Variants in GPT2 observed in about 807,000 individuals in gnomAD.
The protein encoded by GPT2 is glutamic--pyruvic transaminase 2.
A neutral mutation model predicts 56.9 loss-of-function variants in GPT2; 30 were observed. The ratio of observed to expected loss-of-function variants is 0.53; its 90% CI spans 0.39 to 0.72. The LOEUF (loss-of-function observed/expected upper bound fraction) is 0.72, where lower values mean the gene tolerates loss of function less well. GPT2 is among the 30% of genes least tolerant of loss of function. The probability of loss-of-function intolerance (pLI) is 0.00; values close to 1 mark genes in which losing one functional copy is unlikely to be tolerated. For missense variants in GPT2, 542 were observed against 703.4 expected, an observed-to-expected ratio of 0.77 and a Z score of 2.60; for synonymous variants, 271 against 283.1, an observed-to-expected ratio of 0.96 and a Z score of 0.43.
chr16:46,921,762 A>G (rs1049777081), intron 8 of GPT2, among the ~76,000 whole-genome samples: 3 of 152,158 alleles, frequency 2.0e-5, no homozygotes, highest in Admixed American at 6.5e-5. Context: ...CACGCCTGTA[A>G]TCCCAGCACT....
rs76021814 is a variant in GPT2, at chr16:46,893,642, A to G, written c.244-4006A>G. Among the ~76,000 whole-genome samples the G allele has an allele frequency of 2.4e-3, 370 of 152,084 alleles. 1 individual carries two copies. The highest frequency in any genetic ancestry group is 4.3e-3 in the East Asian group (22 of 5,150). ...CAGTTATTCTCCCTGCTAACACCCT[A>G]TGAAATATGCCGTCCCTAGAGCTGG... On this transcript the variant is annotated intron_variant, in intron 2 of 11. Coordinates refer to ENST00000340124, the MANE Select transcript of GPT2 (RefSeq NM_133443.4).
chr16:46,898,922 A>G (rs1960745704), intron 3 of GPT2, among the ~76,000 whole-genome samples: 1 of 142,276 alleles, frequency 7.0e-6, no homozygotes, highest in South Asian at 2.1e-4. Flanking sequence ...ACACACACAT[A>G]TATATGTGTA....
At chr16:46,888,547 CTG>C (rs1422341862) in intron 2 of GPT2, among the ~76,000 whole-genome samples, 8 of 152,122 alleles carry the variant, frequency 5.3e-5, no homozygotes, top group African/African-American at 1.9e-4. Context: ...TTGGGTTTCA[CTG>C]TGTTGGCCAG....
intron 2 of GPT2, among the ~76,000 whole-genome samples, chr16:46,891,794 C>CT (rs916052715): frequency 2.9e-4 from 42 of 146,464 alleles, no homozygotes; most frequent in Admixed American, 4.8e-4. Flanking sequence ...ACTCTTTTAG[C>CT]TTTTTTTTTT....
Position 46,928,899 on chromosome 16 carries a change from C to T in GPT2, c.1482-8C>T. ...CAGCCAGGCTGACACTGTTGTCTCT[C>T]CTGCCAGGATGACTATCCTCCCTCC... On this transcript the variant is annotated splice_region_variant and splice_polypyrimidine_tract_variant and intron_variant, in intron 11 of 11. Transcript: ENST00000340124. The T allele has an allele frequency of 1.2e-6, 2 of 1,610,340 alleles. No individual in the cohort carries two copies. Among genetic ancestry groups the T allele is most frequent in the South Asian group, 1.1e-5 (1 of 91,008 alleles).
intron 6 of GPT2, chr16:46,915,488 C>G (rs1196011746): frequency 7.2e-6 from 1 of 138,636 alleles, no homozygotes; most frequent in African/African-American, 2.7e-5. Context: ...ACATTACACA[C>G]CATACACAGA....
chr16:46,909,052 A>G (rs1249412623), intron 5 of GPT2, among the ~76,000 whole-genome samples: 1 of 151,092 alleles, frequency 6.6e-6, no homozygotes, highest in African/African-American at 2.4e-5. Flanking sequence ...TCAAAGCGCC[A>G]CCTGGTGGCA....
chr16:46,925,082 C>T (rs1281128367), intron 10 of GPT2, among the ~76,000 whole-genome samples: 1 of 151,838 alleles, frequency 6.6e-6, no homozygotes, highest in Non-Finnish European at 1.5e-5. Context: ...GTTTTAATTA[C>T]ATTTTTATAG....
At position 46,885,052 on chromosome 16, in the gene GPT2, C is replaced by A. The variant is rs1960457832; in HGVS notation, c.243+94C>A. On this transcript the variant is annotated intron_variant, in intron 2 of 11. Transcript: ENST00000340124. ...TGGGGTCCTTCCCACGACGTCCACC[C>A]CCATGGCCAGCTCCTCAGTCAGCCA... The A allele has an allele frequency of 1.0e-5, 14 of 1,364,776 alleles. 1 individual carries two copies. The South Asian group carries it at 2.2e-4, about 22-fold the overall frequency. The allele number at this position is 1,364,776 out of a possible 1,614,324, so 84.5% of individuals were successfully genotyped here.
At chr16:46,923,714 G>A (rs1034835418) in intron 9 of GPT2, 1 of 155,450 alleles carries the variant, frequency 6.4e-6, no homozygotes, top group Admixed American at 6.3e-5. Context: ...GCCCAGCTCA[G>A]GCCCAGTCAC....
intron 6 of GPT2, among the ~76,000 whole-genome samples, chr16:46,910,219 A>C (rs1961020048): frequency 6.6e-6 from 1 of 151,966 alleles, no homozygotes; most frequent in Non-Finnish European, 1.5e-5. Context: ...TGTCTCTACT[A>C]AAAACACAAA....
chr16:46,884,769 C>G lies in GPT2; in HGVS notation c.54C>G (p.Ser18Arg). ...GGGGCTGTGGTCCCCGGACCCCCAG[C>G]TCCTGGGGCCGCAGCCAGAGCAGCG... ...VRRGCGPRTP[S>R]SWGRSQSSAA... Residue 18 changes from serine (S) to arginine (R), a missense_variant, in exon 2 of 12, where the codon AGC becomes AGG. By Grantham distance (110) the Ser-to-Arg change is moderately radical. Coordinates refer to ENST00000340124, the MANE Select transcript of GPT2 (RefSeq NM_133443.4). 1.3e-6 allele frequency: 2 copies of G among 1,489,294 alleles called. No homozygotes were observed. The highest frequency in any genetic ancestry group is 1.8e-6 in the Non-Finnish European group (2 of 1,119,168). 92.3% of individuals were successfully genotyped at this position (1,489,294 alleles called of 1,614,324 possible). A position where few individuals can be genotyped will look rare whatever the true frequency, so the allele number is the denominator to read the frequency against.
At chr16:46,893,177 C>G (rs992011241) in intron 2 of GPT2, among the ~76,000 whole-genome samples, 23 of 152,290 alleles carry the variant, frequency 1.5e-4, no homozygotes, top group African/African-American at 5.1e-4. Context: ...GTCACCCAGG[C>G]TGGAGTGCAG....
intron 2 of GPT2, among the ~76,000 whole-genome samples, chr16:46,886,495 G>A (rs117390353): frequency 0.016 from 2,380 of 152,318 alleles, 231 homozygotes; most frequent in Admixed American, 0.14. Flanking sequence ...CTGAGCCTGA[G>A]TCCCCTTCCC....
Position 46,931,017 on chromosome 16 carries a change from C to A in GPT2, c.*2020C>A, listed in dbSNP as rs920659490. On this transcript the variant is annotated 3_prime_UTR_variant, in exon 12 of 12. Transcript: ENST00000340124. ...CATTTGAGGTCGCACTTGGAAGTTA[C>A]ATCTGTGAAGTTTCTGTCATTCGTC... 2 of 152,536 alleles carry A rather than the reference C, an allele frequency of 1.3e-5. No individual in the cohort carries two copies. The highest frequency in any genetic ancestry group is 4.8e-5 in the African/African-American group (2 of 41,452). 9.4% of individuals were successfully genotyped at this position (152,536 alleles called of 1,614,324 possible).
chr16:46,927,580 T>C (rs1283286084), intron 11 of GPT2, among the ~76,000 whole-genome samples: 1 of 152,210 alleles, frequency 6.6e-6, no homozygotes, highest in African/African-American at 2.4e-5. Context: ...GCAGAGGTTT[T>C]CCACTGAGGC....
chr16:46,922,377 C>G lies in GPT2; in HGVS notation c.1173C>G (p.Pro391=). 1 of 1,613,588 alleles carries G rather than the reference C, an allele frequency of 6.2e-7. No homozygotes were observed. The highest frequency in any genetic ancestry group is 2.2e-5 in the East Asian group (1 of 44,854). Residue 391 remains proline, a synonymous_variant, in exon 9 of 12, where the codon CCC becomes CCG. Coordinates refer to ENST00000340124, the MANE Select transcript of GPT2 (RefSeq NM_133443.4). ...CCGCCATGGACATTGTCGTGAACCC[C>G]CCGGTGGCAGGAGAGGAGTCCTTTG... ...GQAAMDIVVN[P]PVAGEESFEQ...
Position 46,924,393 on chromosome 16 carries a change from A to C in GPT2, c.1217A>C (p.Lys406Thr). Residue 406 changes from lysine to threonine, a missense_variant, in exon 10 of 12, where the codon AAG (lysine) becomes ACG (threonine). Physicochemically the swap from Lys to Thr is moderately conservative, Grantham distance 78 (BLOSUM62 -1). Coordinates refer to ENST00000340124, the MANE Select transcript of GPT2 (RefSeq NM_133443.4). Reference protein sequence around the residue: ...EESFEQFSREKESVLGNLAKK... With the variant: ...EESFEQFSRETESVLGNLAKK... ...GCTGTTTCCATCTCTCATCAGGAGA[A>C]GGAGTCGGTCCTGGGTAATCTGGCC... 6.2e-7 allele frequency: 1 copy of C among 1,614,090 alleles called. No individual in the cohort carries two copies. Among genetic ancestry groups the C allele is most frequent in the Non-Finnish European group, 8.5e-7 (1 of 1,179,888 alleles).
At chr16:46,925,566 C>T (rs996150898) in intron 10 of GPT2, among the ~76,000 whole-genome samples, 1 of 152,146 alleles carries the variant, frequency 6.6e-6, no homozygotes, top group African/African-American at 2.4e-5. Context: ...TGCAGTGGCT[C>T]ACACCTGTGG....
Sources: allele counts gnomAD v4.1 joint callset (sites outside exome capture counted in the v4.1 genomes callset), GRCh38; gene constraint gnomAD v4.1.1; transcripts MANE v1.5; gene names NCBI Gene and HGNC (gene_info 2026-07-23, HGNC 2026-07-21).